The following CACNG3 variants were observed in gnomAD, a reference collection of about 807,000 sequenced individuals.
CACNG3 encodes voltage-dependent calcium channel gamma-3 subunit.
Under a neutral mutation model 28.5 loss-of-function variants are expected in CACNG3, and 3 were observed. The ratio of observed to expected loss-of-function variants is 0.11; its 90% CI spans 0.05 to 0.27. The LOEUF (loss-of-function observed/expected upper bound fraction) is 0.27, where lower values mean the gene tolerates loss of function less well. CACNG3 is among the 10% of genes least tolerant of loss of function. The pLI is 1.00. For synonymous variants in CACNG3, 174 were observed against 162.2 expected, an observed-to-expected ratio of 1.07 and a Z score of -0.55; for missense variants, 236 against 414.4, an observed-to-expected ratio of 0.57 and a Z score of 3.74.
At chr16:24,354,688 T>C in intron 2 of CACNG3, 145 bp from the exon 3 acceptor site, 2 of 750,726 alleles carry the variant, frequency 2.7e-6, no homozygotes, top group Admixed American at 5.0e-5. Context: ...GCACAGGCCC[T>C]GAGCGCCTGG....
intron 1 of CACNG3, among the ~76,000 whole-genome samples, chr16:24,297,599 A>G (rs1899049479): frequency 6.6e-6 from 1 of 152,226 alleles, no homozygotes; most frequent in African/African-American, 2.4e-5. Context: ...AGTGTCCTCC[A>G]GACTCGATAG....
At chr16:24,346,044 A>T (rs1899861482) in intron 1 of CACNG3, among the ~76,000 whole-genome samples, 1 of 152,202 alleles carries the variant, frequency 6.6e-6, no homozygotes, top group African/African-American at 2.4e-5. Context: ...TCATTGGTAA[A>T]ATGAGCGAAA....
intron 2 of CACNG3, among the ~76,000 whole-genome samples, chr16:24,352,776 G>A (rs867897151): frequency 6.6e-6 from 1 of 152,082 alleles, no homozygotes; most frequent in African/African-American, 2.4e-5. Context: ...CTGACCTCAG[G>A]TGTTCCTCCC....
At chr16:24,341,275 T>C (rs1899783621) in intron 1 of CACNG3, among the ~76,000 whole-genome samples, 1 of 152,252 alleles carries the variant, frequency 6.6e-6, no homozygotes, top group Non-Finnish European at 1.5e-5. Context: ...GCTCACTTTG[T>C]GATGCATGTA....
At chr16:24,298,017 G>GTT (rs1220040688) in intron 1 of CACNG3, among the ~76,000 whole-genome samples, 51 of 138,300 alleles carry the variant, frequency 3.7e-4, no homozygotes, top group African/African-American at 1.4e-3. Flanking sequence ...GTGTGTGTGT[G>GTT]TGTGTAATTG....
At chr16:24,261,595 G>T (rs944272953) in intron 1 of CACNG3, among the ~76,000 whole-genome samples, 7 of 152,068 alleles carry the variant, frequency 4.6e-5, no homozygotes, top group Non-Finnish European at 8.8e-5. Context: ...ATGAATTTCT[G>T]ATGTTTTTAT....
chr16:24,257,914 T>A (rs1194680893), intron 1 of CACNG3, among the ~76,000 whole-genome samples: 3 of 152,198 alleles, frequency 2.0e-5, no homozygotes, highest in Admixed American at 6.5e-5. Context: ...CAGTAGGCAA[T>A]GCTTGGATAT....
At chr16:24,313,034 GAA>G (rs1491317570) in intron 1 of CACNG3, among the ~76,000 whole-genome samples, 1 of 141,104 alleles carries the variant, frequency 7.1e-6, no homozygotes, top group African/African-American at 2.7e-5. Context: ...AGGAAGGAAA[GAA>G]GAGAAAGAGA....
chr16:24,297,605 G>T (rs374399055), intron 1 of CACNG3, among the ~76,000 whole-genome samples: 1 of 152,178 alleles, frequency 6.6e-6, no homozygotes, highest in African/African-American at 2.4e-5. Flanking sequence ...CTCCAGACTC[G>T]ATAGCCTGAG....
At chr16:24,314,421 G>A (rs150878604) in intron 1 of CACNG3, among the ~76,000 whole-genome samples, 59 of 152,184 alleles carry the variant, frequency 3.9e-4, no homozygotes, top group African/African-American at 1.3e-3. Flanking sequence ...ACGGGTGATC[G>A]AGCTCCAGGC....
chr16:24,312,955 G>GAAAGAA (rs376780380), intron 1 of CACNG3, among the ~76,000 whole-genome samples: 38 of 110,884 alleles, frequency 3.4e-4, no homozygotes, highest in African/African-American at 9.0e-4. Context: ...AAGAAAGAAA[G>GAAAGAA]AGAAAGAAAG....
rs570899362 is a variant in CACNG3, at chr16:24,271,260, C to T, written c.211+14295C>T. Among the ~76,000 whole-genome samples, 12 of 152,310 alleles carry T rather than the reference C, an allele frequency of 7.9e-5. No individual in the cohort carries two copies. The South Asian group carries it at 2.3e-3, about 29-fold the overall frequency. The stretch of plus-strand genomic sequence containing the variant: ...CTCTAGGCTTTTAACACTTTTGCCT[C>T]GCCCTTCTCTATGACTCGGTGCAGT... On this transcript the variant is annotated intron_variant, in intron 1 of 3. Transcript: ENST00000005284.
At chr16:24,277,480 A>G (rs1898766745) in intron 1 of CACNG3, among the ~76,000 whole-genome samples, 1 of 152,140 alleles carries the variant, frequency 6.6e-6, no homozygotes, top group African/African-American at 2.4e-5. Context: ...AATCCTGATC[A>G]AAAGGTAAAG....
chr16:24,330,430 A>G (rs74013179), intron 1 of CACNG3, among the ~76,000 whole-genome samples: 6,474 of 152,236 alleles, frequency 0.043, 471 homozygotes, highest in African/African-American at 0.15. Context: ...CCTGAGGGCA[A>G]GTTTTTTGTG....
chr16:24,327,422 A>ATGTGTGTG (rs376287990), intron 1 of CACNG3, among the ~76,000 whole-genome samples: 24,656 of 101,086 alleles, frequency 0.24, 3,122 homozygotes, highest in South Asian at 0.33. Flanking sequence ...GAATATATAT[A>ATGTGTGTG]TGTGTGTGTG....
chr16:24,303,799 G>T (rs1899147023), intron 1 of CACNG3, among the ~76,000 whole-genome samples: 1 of 152,072 alleles, frequency 6.6e-6, no homozygotes. Context: ...TGTGCCTGTG[G>T]TCCAGCTACT....
chr16:24,358,929 TGC>T lies in CACNG3; in HGVS notation c.437-2422_437-2421del, dbSNP rs113383424. On this transcript the variant is annotated intron_variant, in intron 3 of 3. Transcript: ENST00000005284. ...CTGCTGCAATGATTACTAGGTATGA[TGC>T]ATATAAAGATTTTGCACAGTGTGTG... 2.9e-4 allele frequency among the ~76,000 whole-genome samples: 44 copies of T among 152,320 alleles called. 1 individual carries two copies. The highest frequency in any genetic ancestry group is 8.9e-4 in the African/African-American group (37 of 41,580).
chr16:24,352,490 G>A (rs1899963350), intron 2 of CACNG3, among the ~76,000 whole-genome samples: 1 of 152,000 alleles, frequency 6.6e-6, no homozygotes, highest in Non-Finnish European at 1.5e-5. Context: ...TCCAAGCTAT[G>A]AAGGGCTTTT....
chr16:24,286,354 G>A (rs941920951), intron 1 of CACNG3, among the ~76,000 whole-genome samples: 3 of 151,690 alleles, frequency 2.0e-5, no homozygotes, highest in Admixed American at 2.0e-4. Context: ...TATCCTAAAA[G>A]ATTGTAGCAA....
Sources: gnomAD v4.1 joint callset for allele counts (sites outside exome capture counted in the v4.1 genomes callset) on GRCh38, gnomAD v4.1.1 for gene constraint, MANE v1.5 for transcripts, NCBI Gene and HGNC (gene_info 2026-07-23, HGNC 2026-07-21) for gene names.